Variants in DAPK1 observed in about 807,000 individuals in gnomAD.
DAPK1 encodes the protein death-associated protein kinase 1.
A neutral mutation model predicts 144.9 loss-of-function variants in DAPK1; 56 were observed. The ratio of observed to expected loss-of-function variants is 0.39; its 90% CI spans 0.31 to 0.48. The LOEUF (loss-of-function observed/expected upper bound fraction) is 0.48, where lower values mean the gene tolerates loss of function less well. Among genes scored for constraint, DAPK1 ranks in the 20% least tolerant of loss-of-function variants. DAPK1 has a pLI of 0.95. For missense variants in DAPK1, 1,454 were observed against 1,875.4 expected (o/e 0.78, Z 4.15); for synonymous variants, 690 against 749.0 (o/e 0.92, Z 1.29).
intron 19 of DAPK1, among the ~76,000 whole-genome samples, chr9:87,671,177 G>A (rs1232456423): frequency 3.9e-5 from 6 of 152,034 alleles, no homozygotes; most frequent in African/African-American, 4.8e-5. Flanking sequence ...ACCTTGCTGC[G>A]GCGCTTCCTC....
At chr9:87,623,771 A>G (rs1829392231) in intron 3 of DAPK1, among the ~76,000 whole-genome samples, 1 of 152,158 alleles carries the variant, frequency 6.6e-6, no homozygotes, top group Non-Finnish European at 1.5e-5. Flanking sequence ...GCCCTTGCTC[A>G]TAAGTGCCTT....
chr9:87,628,474 T>G (rs1829557446), intron 3 of DAPK1, among the ~76,000 whole-genome samples: 1 of 152,212 alleles, frequency 6.6e-6, no homozygotes, highest in Non-Finnish European at 1.5e-5. Context: ...GTGTTCCTTC[T>G]TCCCCTTCCT....
intron 3 of DAPK1, among the ~76,000 whole-genome samples, chr9:87,622,303 G>A (rs971043844): frequency 1.3e-5 from 2 of 152,106 alleles, no homozygotes; most frequent in East Asian, 3.9e-4. Context: ...TGAATCCTTC[G>A]TAGGTGTGAC....
At chr9:87,538,277 A>G (rs968202097) in intron 2 of DAPK1, among the ~76,000 whole-genome samples, 4 of 152,176 alleles carry the variant, frequency 2.6e-5, no homozygotes, top group Non-Finnish European at 5.9e-5. Context: ...CCCTTTAATT[A>G]TCAAACTAAT....
In DAPK1 at chr9:87,651,607, C is replaced by T. The variant is rs755628476; in HGVS notation, c.1707C>T (p.Phe569=). 6.2e-6 allele frequency: 10 copies of T among 1,614,018 alleles called. No homozygotes were observed. The highest frequency in any genetic ancestry group is 4.0e-5 in the African/African-American group (3 of 74,900). Residue 569 remains phenylalanine, a synonymous_variant, in exon 17 of 26, where the codon TTC becomes TTT. Coordinates refer to ENST00000408954, the MANE Select transcript of DAPK1 (RefSeq NM_004938.4). ...AGACTCTCCTCAGCCAAGGGTGTTT[C>T]GTCGATTATCAAGACAGGCACGGCA... ...VIKTLLSQGC[F]VDYQDRHGNT... is the part of the protein sequence containing the mutation.
rs188104687 is a variant in DAPK1, at chr9:87,534,965, T to G, written c.62+35826T>G. On this transcript the variant is annotated intron_variant, in intron 2 of 25. Transcript: ENST00000408954. ...CGATTCTTGATTTATTTTCTGTAAT[T>G]GATTTGATGTGTGCAAATGTGTTTA... Among the ~76,000 whole-genome samples the G allele has an allele frequency of 1.2e-4, 18 of 152,288 alleles. No individual in the cohort carries two copies. In the East Asian group the frequency reaches 3.1e-3, roughly 26 times the overall value.
At chr9:87,529,552 G>A (rs1825635734) in intron 2 of DAPK1, among the ~76,000 whole-genome samples, 1 of 152,196 alleles carries the variant, frequency 6.6e-6, no homozygotes, top group African/African-American at 2.4e-5. Context: ...AAGTTATGGA[G>A]TGTATACCAC....
chr9:87,517,803 C>A (rs1207397895), intron 2 of DAPK1, among the ~76,000 whole-genome samples: 1 of 152,162 alleles, frequency 6.6e-6, no homozygotes, highest in Non-Finnish European at 1.5e-5. Context: ...TGTTTCCTTT[C>A]CATCCCATTG....
At chr9:87,533,616 G>A (rs145958865) in intron 2 of DAPK1, among the ~76,000 whole-genome samples, 1,812 of 152,096 alleles carry the variant, frequency 0.012, 16 homozygotes, top group Middle Eastern at 0.02. Context: ...TTTTATGATA[G>A]GAACAATTTC....
chr9:87,534,357 G>C (rs10868617), intron 2 of DAPK1, among the ~76,000 whole-genome samples: 44,480 of 151,454 alleles, frequency 0.29, 6,841 homozygotes, highest in Middle Eastern at 0.42. Context: ...CTCAAGGGCA[G>C]GGGTACCACA....
At position 87,694,875 on chromosome 9, in the gene DAPK1, G is replaced by C. The variant is rs554239508; in HGVS notation, c.2414-2132G>C. Among the ~76,000 whole-genome samples the C allele has an allele frequency of 8.5e-5, 13 of 152,304 alleles. No homozygotes were observed. In the East Asian group the frequency reaches 2.1e-3, roughly 25 times the overall value. ...GCACTGTAGCTGCTTCGGACTCAGA[G>C]AGTGCGTGGGAGCCAGCCTGAGCTC... On this transcript the variant is annotated intron_variant, in intron 21 of 25. Coordinates refer to ENST00000408954, the MANE Select transcript of DAPK1 (RefSeq NM_004938.4).
At chr9:87,552,779 T>A (rs1320515034) in intron 2 of DAPK1, among the ~76,000 whole-genome samples, 1 of 151,550 alleles carries the variant, frequency 6.6e-6, no homozygotes, top group Non-Finnish European at 1.5e-5. Context: ...TTTTTAAGAT[T>A]TCTAGTAGAG....
intron 2 of DAPK1, among the ~76,000 whole-genome samples, chr9:87,527,579 A>G (rs969006127): frequency 6.6e-6 from 1 of 152,226 alleles, no homozygotes; most frequent in African/African-American, 2.4e-5. Flanking sequence ...CTCTGCATCT[A>G]GGTCTATCAG....
At chr9:87,532,019 GT>G (rs1825719897) in intron 2 of DAPK1, among the ~76,000 whole-genome samples, 1 of 152,196 alleles carries the variant, frequency 6.6e-6, no homozygotes, top group Non-Finnish European at 1.5e-5. Context: ...ACAGGCCTTA[GT>G]GCTAAGCTAG....
chr9:87,578,666 C>G (rs1377625677), intron 2 of DAPK1, among the ~76,000 whole-genome samples: 3 of 152,210 alleles, frequency 2.0e-5, no homozygotes, highest in African/African-American at 4.8e-5. Flanking sequence ...AAATACAAAA[C>G]CCAAACAAAA....
At chr9:87,648,917 T>C in intron 15 of DAPK1, 38 bp downstream of exon 15, 1 of 1,526,310 alleles carries the variant, frequency 6.6e-7, no homozygotes, top group Non-Finnish European at 9.1e-7. Context: ...CTCTGCTCTA[T>C]ACATGAATGT....
chr9:87,647,410 C>A lies in DAPK1; in HGVS notation c.1329+7C>A. The A allele has an allele frequency of 6.2e-7, 1 of 1,611,558 alleles. No individual in the cohort carries two copies. The highest frequency in any genetic ancestry group is 8.5e-7 in the Non-Finnish European group (1 of 1,177,708). On this transcript the variant is annotated splice_region_variant and intron_variant, in intron 14 of 25. Coordinates refer to ENST00000408954, the MANE Select transcript of DAPK1 (RefSeq NM_004938.4). ...TTTGGATGTGAAAGACAAGGTAAGGCCACTTCTCTTAGGAGGAACATGAGG... is the reference window on the plus strand; with the variant it reads ...TTTGGATGTGAAAGACAAGGTAAGGACACTTCTCTTAGGAGGAACATGAGG...
chr9:87,507,174 G>A (rs928570793), intron 2 of DAPK1, among the ~76,000 whole-genome samples: 1 of 152,192 alleles, frequency 6.6e-6, no homozygotes, highest in African/African-American at 2.4e-5. Flanking sequence ...TCACACTGTG[G>A]TCATTGAAGT....
rs551642622 is a variant in DAPK1 at position 87,649,899 on chromosome 9, C to A, written c.1429-22C>A. ...TCTCATTATTGTGTTCTCCTCCTCT[C>A]TGTACTCGTCTCCTTGGCCAGGAAG... On this transcript the variant is annotated intron_variant, in intron 15 of 25. Transcript: ENST00000408954. 55 of 1,612,358 alleles carry A rather than the reference C, an allele frequency of 3.4e-5. No homozygotes were observed. The African/African-American group carries it at 7.3e-4, about 21-fold the overall frequency.
Sources: gnomAD v4.1 joint callset for allele counts (sites outside exome capture counted in the v4.1 genomes callset) on GRCh38, gnomAD v4.1.1 for gene constraint, MANE v1.5 for transcripts, NCBI Gene and HGNC (gene_info 2026-07-23, HGNC 2026-07-21) for gene names.